The following TSNARE1 variants were observed in gnomAD, a reference collection of about 807,000 sequenced individuals.
TSNARE1 encodes t-SNARE domain containing 1, also known as t-SNARE domain-containing protein 1.
Under a neutral mutation model 62.0 loss-of-function variants are expected in TSNARE1, and 49 were observed. The observed-to-expected ratio is 0.79, with a 90% CI of 0.63 to 1.00. TSNARE1 has a LOEUF of 1.00. TSNARE1 is among the 50% of genes least tolerant of loss of function. The pLI is 0.00. For synonymous variants in TSNARE1, 328 were observed against 294.4 expected (o/e 1.11, Z -1.17); for missense variants, 755 against 700.1 (o/e 1.08, Z -0.88).
At chr8:142,246,428 G>A (rs1202974163) in intron 12 of TSNARE1, among the ~76,000 whole-genome samples, 2 of 152,012 alleles carry the variant, frequency 1.3e-5, no homozygotes, top group African/African-American at 2.4e-5. Flanking sequence ...CATCTGAGGA[G>A]TCAGGAGCCA....
At chr8:142,398,269 C>A (rs1174678832) in intron 1 of TSNARE1, among the ~76,000 whole-genome samples, 1 of 150,812 alleles carries the variant, frequency 6.6e-6, no homozygotes, top group Non-Finnish European at 1.5e-5. Context: ...CCAAAACACA[C>A]CCCTAGCCCT....
At chr8:142,236,002 C>T (rs886149557) in intron 12 of TSNARE1, among the ~76,000 whole-genome samples, 1 of 152,078 alleles carries the variant, frequency 6.6e-6, no homozygotes, top group Non-Finnish European at 1.5e-5. Flanking sequence ...GCTCACCTCT[C>T]CCAATTAGCC....
At chr8:142,332,394 G>C (rs984371670) in intron 4 of TSNARE1, among the ~76,000 whole-genome samples, 2 of 152,190 alleles carry the variant, frequency 1.3e-5, no homozygotes, top group Non-Finnish European at 2.9e-5. Context: ...GCCAGGGCAG[G>C]GGCAGTGAGA....
intron 12 of TSNARE1, among the ~76,000 whole-genome samples, chr8:142,246,888 C>T (rs1817909821): frequency 6.6e-6 from 1 of 152,242 alleles, no homozygotes; most frequent in South Asian, 2.1e-4. Context: ...TGCGAGGCAG[C>T]GATGAGCAAA....
At position 142,344,420 on chromosome 8, in the gene TSNARE1, G is replaced by C. The variant is rs1833071441; in HGVS notation, c.291C>G (p.Pro97=). 1.3e-6 allele frequency: 2 copies of C among 1,587,942 alleles called. No individual in the cohort carries two copies. Among genetic ancestry groups the C allele is most frequent in the South Asian group, 2.3e-5 (2 of 87,628 alleles). The change falls in exon 4 of 14, where the codon CCC becomes CCG. Residue 97 remains proline, a synonymous_variant. Coordinates refer to ENST00000524325, the MANE Select transcript of TSNARE1 (RefSeq NM_145003.5). ...CCGAGTCCTTCCTCGGGCCAATGGT[G>C]GGTGATGAGGTGGGCTCCGGCATCC... ...GSRMPEPTSS[P]TIGPRKDSAA... is the part of the protein sequence containing the mutation.
chr8:142,318,701 A>C, intron 6 of TSNARE1, 67 bp from the exon 7 acceptor site: 1 of 1,533,560 alleles, frequency 6.5e-7, no homozygotes, highest in Non-Finnish European at 9.0e-7. Context: ...AGGGCCCAGA[A>C]GGACGGAGCA....
intron 12 of TSNARE1, among the ~76,000 whole-genome samples, chr8:142,268,920 A>G (rs1002263822): frequency 6.6e-6 from 1 of 152,248 alleles, no homozygotes; most frequent in African/African-American, 2.4e-5. Context: ...CATGACGCCT[A>G]TCTACTCTAA....
At chr8:142,353,366 G>A (rs1236132620) in intron 2 of TSNARE1, among the ~76,000 whole-genome samples, 3 of 152,160 alleles carry the variant, frequency 2.0e-5, no homozygotes, top group African/African-American at 7.2e-5. Context: ...CAATGGTCTC[G>A]GCGGGAAGGA....
chr8:142,253,311 C>T (rs1034363308), intron 12 of TSNARE1, among the ~76,000 whole-genome samples: 1 of 152,330 alleles, frequency 6.6e-6, no homozygotes, highest in East Asian at 1.9e-4. Flanking sequence ...CACAGGCCAG[C>T]GTGCGTGCCG....
At chr8:142,286,838 G>C (rs1822848113) in intron 10 of TSNARE1, among the ~76,000 whole-genome samples, 1 of 152,306 alleles carries the variant, frequency 6.6e-6, no homozygotes, top group African/African-American at 2.4e-5. Flanking sequence ...ACCCAGGCCT[G>C]GTGCACCCTG....
intron 1 of TSNARE1, among the ~76,000 whole-genome samples, chr8:142,382,912 G>A (rs149358742): frequency 6.3e-4 from 96 of 152,292 alleles, no homozygotes; most frequent in African/African-American, 2.1e-3. Flanking sequence ...GGCAGCAGGC[G>A]GTGAGGGCCC....
rs1216531883 is a variant in TSNARE1 at position 142,229,493 on chromosome 8, G to C, written c.1533C>G (p.Val511=). 6.2e-7 allele frequency: 1 copy of C among 1,614,110 alleles called. No individual in the cohort carries two copies. Among genetic ancestry groups the C allele is most frequent in the East Asian group, 2.2e-5 (1 of 44,888 alleles). Residue 511 remains valine, a synonymous_variant, in exon 13 of 14, where the codon GTC becomes GTG. Transcript: ENST00000524325. ...CTCACCACGGGTAGCATCACTTTCG[G>C]ACAGAGGTGGCGATGATGATGATGA... ...LVIIIIIATS[V]RK
At chr8:142,283,478 G>C (rs1822076424) in intron 11 of TSNARE1, among the ~76,000 whole-genome samples, 1 of 149,454 alleles carries the variant, frequency 6.7e-6, no homozygotes, top group African/African-American at 2.5e-5. Flanking sequence ...ACAGAGGCGG[G>C]GCCAGTGTCT....
At chr8:142,280,296 C>T in intron 11 of TSNARE1, 1 of 985,388 alleles carries the variant, frequency 1.0e-6, no homozygotes, top group Non-Finnish European at 1.2e-6. Flanking sequence ...TGCAGCTCTG[C>T]TGGCAGATGG....
At chr8:142,329,691 G>A (rs576778552) in intron 6 of TSNARE1, among the ~76,000 whole-genome samples, 5 of 152,214 alleles carry the variant, frequency 3.3e-5, no homozygotes, top group Non-Finnish European at 7.3e-5. Flanking sequence ...AGGTCTGACC[G>A]TGCAAATACG....
chr8:142,235,587 G>A (rs1293704621), intron 12 of TSNARE1, among the ~76,000 whole-genome samples: 4 of 152,062 alleles, frequency 2.6e-5, no homozygotes, highest in African/African-American at 4.8e-5. Context: ...GGTGTGGAAC[G>A]GATTGTTTCT....
intron 13 of TSNARE1, among the ~76,000 whole-genome samples, chr8:142,225,085 G>A (rs1439690152): frequency 6.6e-6 from 1 of 152,036 alleles, no homozygotes; most frequent in African/African-American, 2.4e-5. Context: ...CCCCTGCTTG[G>A]CCCCAAGGCC....
At chr8:142,386,638 T>C (rs1837129283) in intron 1 of TSNARE1, among the ~76,000 whole-genome samples, 1 of 152,186 alleles carries the variant, frequency 6.6e-6, no homozygotes, top group Non-Finnish European at 1.5e-5. Context: ...AGAGTTAAAA[T>C]TTTGTAATGG....
chr8:142,378,480 A>C (rs747806389), intron 1 of TSNARE1, among the ~76,000 whole-genome samples: 91 of 152,348 alleles, frequency 6.0e-4, no homozygotes, highest in Non-Finnish European at 1.0e-3. Context: ...ACTGTGTGTT[A>C]ATTATACACG....
Sources: allele counts gnomAD v4.1 joint callset (sites outside exome capture counted in the v4.1 genomes callset), GRCh38; gene constraint gnomAD v4.1.1; transcripts MANE v1.5; gene names NCBI Gene and HGNC (gene_info 2026-07-23, HGNC 2026-07-21).